The following RGS7 variants were observed in gnomAD, a reference collection of about 807,000 sequenced individuals.
The protein encoded by RGS7 is regulator of G protein signaling 7.
RGS7 carries 27 observed loss-of-function variants against 81.1 expected under a neutral mutation model. The observed-to-expected ratio is 0.33, with a 90% CI of 0.25 to 0.46. The LOEUF is 0.46. RGS7 is among the 20% of genes least tolerant of loss of function. The pLI is 1.00. For synonymous variants in RGS7, 208 were observed against 207.7 expected, an observed-to-expected ratio of 1.00 and a Z score of -0.01; for missense variants, 396 against 607.4, an observed-to-expected ratio of 0.65 and a Z score of 3.66.
At chr1:241,091,594 T>TAAATAAAA (rs769662958) in intron 3 of RGS7, among the ~76,000 whole-genome samples, 31 of 135,480 alleles carry the variant, frequency 2.3e-4, no homozygotes, top group East Asian at 1.3e-3. Context: ...AATAAATAAA[T>TAAATAAAA]AAAAAAGCTG....
At chr1:241,132,400 G>C (rs1465328215) in intron 2 of RGS7, 1 of 154,412 alleles carries the variant, frequency 6.5e-6, no homozygotes, top group Non-Finnish European at 1.5e-5. Flanking sequence ...ACTATGAGTG[G>C]GGATGACAGG....
intron 3 of RGS7, among the ~76,000 whole-genome samples, chr1:241,018,102 G>A (rs983739376): frequency 2.7e-5 from 4 of 150,414 alleles, no homozygotes; most frequent in Non-Finnish European, 5.9e-5. Flanking sequence ...GAGTAGCTGG[G>A]ATTACAGGCA....
chr1:240,845,244 T>C (rs1658859132), intron 9 of RGS7, among the ~76,000 whole-genome samples: 1 of 152,192 alleles, frequency 6.6e-6, no homozygotes, highest in African/African-American at 2.4e-5. Context: ...CTGTGACTCC[T>C]TTCCAGCAGC....
intron 2 of RGS7, among the ~76,000 whole-genome samples, chr1:241,321,414 C>T (rs1289588793): frequency 6.6e-6 from 1 of 152,186 alleles, no homozygotes; most frequent in Admixed American, 6.5e-5. Flanking sequence ...CGGATTCAAA[C>T]TCGATCCCCC....
At chr1:241,218,714 G>A (rs1308890872) in intron 2 of RGS7, among the ~76,000 whole-genome samples, 2 of 152,150 alleles carry the variant, frequency 1.3e-5, no homozygotes, top group South Asian at 2.1e-4. Flanking sequence ...GCGCAATCTC[G>A]GCTCACCGCA....
At chr1:240,919,000 T>A (rs1053913258) in intron 6 of RGS7, among the ~76,000 whole-genome samples, 3 of 151,684 alleles carry the variant, frequency 2.0e-5, no homozygotes, top group Non-Finnish European at 2.9e-5. Context: ...TTGAACCAAG[T>A]TTTTGAAAGA....
intron 9 of RGS7, among the ~76,000 whole-genome samples, chr1:240,851,746 T>C (rs1411900877): frequency 6.6e-6 from 1 of 152,088 alleles, no homozygotes; most frequent in African/African-American, 2.4e-5. Context: ...ATCCCAGCCC[T>C]TAGGGATGAT....
intron 2 of RGS7, among the ~76,000 whole-genome samples, chr1:241,299,935 CAAAAAAAA>C (rs35939099): frequency 3.4e-5 from 2 of 58,090 alleles, no homozygotes; most frequent in Non-Finnish European, 6.1e-5. Context: ...CTCGTTTCTC[CAAAAAAAA>C]AAAAAAAAAA....
At chr1:240,998,740 C>A in intron 3 of RGS7, 1 of 850,874 alleles carries the variant, frequency 1.2e-6, no homozygotes. Context: ...GTCACCTCAT[C>A]ATCGTGCGGA....
intron 2 of RGS7, among the ~76,000 whole-genome samples, chr1:241,318,401 C>T (rs191047602): frequency 3.4e-4 from 51 of 152,092 alleles, no homozygotes; most frequent in African/African-American, 1.2e-3. Flanking sequence ...ATTCTATGTG[C>T]ATATATGCCC....
chr1:241,344,074 T>C (rs1040912139), intron 2 of RGS7, among the ~76,000 whole-genome samples: 4 of 152,174 alleles, frequency 2.6e-5, no homozygotes, highest in African/African-American at 9.7e-5. Context: ...TCCTAAATGA[T>C]ATACGGGATT....
chr1:241,068,508 C>G (rs1188058779), intron 3 of RGS7, among the ~76,000 whole-genome samples: 2 of 151,844 alleles, frequency 1.3e-5, no homozygotes, highest in African/African-American at 4.8e-5. Flanking sequence ...TATTATTACT[C>G]TCTTTACTGC....
At chr1:241,182,181 A>G (rs773473912) in intron 2 of RGS7, among the ~76,000 whole-genome samples, 5 of 152,144 alleles carry the variant, frequency 3.3e-5, no homozygotes, top group African/African-American at 9.7e-5. Context: ...GATCCCTGCC[A>G]TCACCATGCG....
intron 3 of RGS7, among the ~76,000 whole-genome samples, chr1:241,060,966 TGGGTCACCTG>T (rs2061711051): frequency 6.6e-6 from 1 of 152,244 alleles, no homozygotes; most frequent in Non-Finnish European, 1.5e-5. Context: ...TCCTGGTCAA[TGGGTCACCTG>T]CCCCTCAGGC....
At chr1:241,157,821 C>CTTTT (rs67249227) in intron 2 of RGS7, among the ~76,000 whole-genome samples, 3 of 94,714 alleles carry the variant, frequency 3.2e-5, no homozygotes, top group Non-Finnish European at 4.5e-5. Context: ...CTTTTCTTTT[C>CTTTT]TTTTTTTTTT....
At chr1:241,082,430 C>T (rs2148899026) in intron 3 of RGS7, among the ~76,000 whole-genome samples, 1 of 152,314 alleles carries the variant, frequency 6.6e-6, no homozygotes, top group African/African-American at 2.4e-5. Context: ...TTAGATATTG[C>T]CAATTTTGTA....
chr1:240,987,982 G>C (rs1180445186), intron 3 of RGS7, among the ~76,000 whole-genome samples: 1 of 152,128 alleles, frequency 6.6e-6, no homozygotes, highest in African/African-American at 2.4e-5. Flanking sequence ...TTCTGTAGAA[G>C]TTTGGCTGAG....
Position 241,168,603 on chromosome 1 carries a change from G to T in RGS7, c.79-69841C>A, listed in dbSNP as rs904214723. On this transcript the variant is annotated intron_variant, in intron 2 of 18. Transcript: ENST00000440928. ...GACTACGTTATGTTATATCACAAAG[G>T]TTGGGGGATTTTGCAGATTTTGTTC... Among the ~76,000 whole-genome samples the T allele has an allele frequency of 4.6e-5, 7 of 152,086 alleles. 1 individual carries two copies. Among genetic ancestry groups the T allele is most frequent in the Admixed American group, 4.6e-4 (7 of 15,274 alleles).
At chr1:241,018,474 G>A (rs947974910) in intron 3 of RGS7, among the ~76,000 whole-genome samples, 1 of 151,988 alleles carries the variant, frequency 6.6e-6, no homozygotes, top group Non-Finnish European at 1.5e-5. Flanking sequence ...GATACCAGAG[G>A]CTTTAAATTC....
Sources: allele counts gnomAD v4.1 joint callset (sites outside exome capture counted in the v4.1 genomes callset), GRCh38; gene constraint gnomAD v4.1.1; transcripts MANE v1.5; gene names NCBI Gene and HGNC (gene_info 2026-07-23, HGNC 2026-07-21).